Variants in ASTN2 observed in about 807,000 individuals in gnomAD.
The protein encoded by ASTN2 is astrotactin-2.
A neutral mutation model predicts 139.8 loss-of-function variants in ASTN2; 54 were observed. The observed-to-expected ratio is 0.39, with a 90% confidence interval of 0.31 to 0.48. The LOEUF (loss-of-function observed/expected upper bound fraction) is 0.48, where lower values mean the gene tolerates loss of function less well. Ranked by LOEUF, ASTN2 falls within the 20% of genes least tolerant of loss-of-function variation. The probability of loss-of-function intolerance (pLI) is 0.95; values close to 1 mark genes in which losing one functional copy is unlikely to be tolerated. For synonymous variants in ASTN2, 756 were observed against 719.5 expected (o/e 1.05, Z -0.81); for missense variants, 1,565 against 1,725.1 (o/e 0.91, Z 1.64).
intron 2 of ASTN2, among the ~76,000 whole-genome samples, chr9:117,282,594 G>T (rs1219207443): frequency 6.6e-6 from 1 of 152,192 alleles, no homozygotes; most frequent in Non-Finnish European, 1.5e-5. Context: ...CCCTGCCATT[G>T]GCTCTGGGCT....
intron 19 of ASTN2, among the ~76,000 whole-genome samples, chr9:116,561,415 C>A (rs1300194970): frequency 1.3e-5 from 2 of 152,294 alleles, no homozygotes; most frequent in East Asian, 3.9e-4. Context: ...ATATTTTTCT[C>A]ATTTCTCCAC....
chr9:116,482,441 T>C (rs1203815529), intron 20 of ASTN2, among the ~76,000 whole-genome samples: 1 of 152,166 alleles, frequency 6.6e-6, no homozygotes, highest in Admixed American at 6.5e-5. Flanking sequence ...GAATACTCAA[T>C]AAAATATTAT....
chr9:117,251,221 C>T (rs954248618), intron 2 of ASTN2, among the ~76,000 whole-genome samples: 1 of 152,018 alleles, frequency 6.6e-6, no homozygotes, highest in African/African-American at 2.4e-5. Flanking sequence ...TGCCTGGAGC[C>T]CTCTACTCAG....
intron 17 of ASTN2, among the ~76,000 whole-genome samples, chr9:116,649,530 C>T (rs1023516421): frequency 6.0e-5 from 9 of 149,130 alleles, no homozygotes; most frequent in South Asian, 4.2e-4. Context: ...GCTGAGATCG[C>T]GCCATTGCAC....
Position 117,328,880 on chromosome 9 carries a change from C to T in ASTN2, c.443-37367G>A, listed in dbSNP as rs556933322. ...TGGGTGACGGAGAGCCATCTCATGG[C>T]GAGGAAAAGAAGAGTGGAGTGGATG... is the stretch of plus-strand genomic sequence containing the variant. On this transcript the variant is annotated intron_variant, in intron 1 of 22. Transcript: ENST00000313400. Among the ~76,000 whole-genome samples the T allele has an allele frequency of 4.3e-4, 66 of 152,138 alleles. No individual in the cohort carries two copies. In the South Asian group the frequency reaches 6.8e-3, roughly 16 times the overall value.
chr9:117,010,710 T>C (rs1406486048), intron 6 of ASTN2, among the ~76,000 whole-genome samples: 1 of 152,114 alleles, frequency 6.6e-6, no homozygotes, highest in African/African-American at 2.4e-5. Flanking sequence ...CAGGATGTTT[T>C]GGGGTACATA....
chr9:117,365,289 A>G (rs1829808960), intron 1 of ASTN2, among the ~76,000 whole-genome samples: 1 of 151,030 alleles, frequency 6.6e-6, no homozygotes, highest in African/African-American at 2.5e-5. Context: ...GAAAGAAAGA[A>G]ATAGAAAGAA....
chr9:116,555,490 T>G (rs924844649), intron 19 of ASTN2, among the ~76,000 whole-genome samples: 1 of 151,980 alleles, frequency 6.6e-6, no homozygotes, highest in Non-Finnish European at 1.5e-5. Flanking sequence ...TTTAAGTGAA[T>G]GGGAATGGGC....
intron 8 of ASTN2, 77 bp from the exon 9 acceptor site, chr9:116,976,265 G>A: frequency 6.5e-6 from 8 of 1,226,222 alleles, no homozygotes; most frequent in Non-Finnish European, 9.6e-6. Context: ...CACTGCTCTA[G>A]AGTAGCTTTA....
intron 2 of ASTN2, among the ~76,000 whole-genome samples, chr9:117,264,114 T>A (rs1169638095): frequency 6.6e-6 from 1 of 152,202 alleles, no homozygotes; most frequent in East Asian, 1.9e-4. Context: ...ACAGTTTATT[T>A]ATGGTATCCA....
intron 3 of ASTN2, among the ~76,000 whole-genome samples, chr9:117,186,756 G>A (rs1831210831): frequency 6.6e-6 from 1 of 152,152 alleles, no homozygotes; most frequent in South Asian, 2.1e-4. Context: ...TTCTAAACAA[G>A]AAGCAGACAG....
At chr9:117,159,602 T>C (rs1261469514) in intron 3 of ASTN2, among the ~76,000 whole-genome samples, 1 of 152,068 alleles carries the variant, frequency 6.6e-6, no homozygotes, top group Non-Finnish European at 1.5e-5. Context: ...TGTGCCACCA[T>C]GCACAGCTAA....
At chr9:116,889,662 G>T (rs912589594) in intron 10 of ASTN2, among the ~76,000 whole-genome samples, 1 of 151,578 alleles carries the variant, frequency 6.6e-6, no homozygotes, top group East Asian at 1.9e-4. Context: ...GAGGCAGAAG[G>T]ATCACTTGAG....
At chr9:116,558,644 GA>G (rs1852753227) in intron 19 of ASTN2, among the ~76,000 whole-genome samples, 1 of 152,132 alleles carries the variant, frequency 6.6e-6, no homozygotes, top group Non-Finnish European at 1.5e-5. Flanking sequence ...TTTCCTCAGA[GA>G]TGCTTGCTTT....
chr9:117,255,010 T>A (rs1833646169), intron 2 of ASTN2, among the ~76,000 whole-genome samples: 1 of 152,242 alleles, frequency 6.6e-6, no homozygotes, highest in East Asian at 1.9e-4. Flanking sequence ...GAAGAACATC[T>A]AAATTAAATC....
intron 2 of ASTN2, among the ~76,000 whole-genome samples, chr9:117,271,660 G>A (rs892024328): frequency 1.3e-5 from 2 of 152,138 alleles, no homozygotes; most frequent in Admixed American, 6.5e-5. Context: ...GGGTAAACAC[G>A]GCTGTTCCAA....
chr9:117,005,747 CT>C, intron 7 of ASTN2, among the ~76,000 whole-genome samples: 1 of 152,152 alleles, frequency 6.6e-6, no homozygotes, highest in South Asian at 2.1e-4. Context: ...CTCTCTCTCT[CT>C]CTCTCTCTCT....
chr9:116,864,903 C>A (rs1425821001), intron 10 of ASTN2, among the ~76,000 whole-genome samples: 3 of 152,168 alleles, frequency 2.0e-5, no homozygotes, highest in Non-Finnish European at 4.4e-5. Context: ...TGTCAGTGAA[C>A]TTGGTAAATC....
In ASTN2 at chr9:117,386,945, C is replaced by A. The variant is rs145752683; in HGVS notation, c.442+27552G>T. Among the ~76,000 whole-genome samples the A allele has an allele frequency of 1.5e-3, 227 of 152,306 alleles. 1 individual carries two copies. Among genetic ancestry groups the A allele is most frequent in the African/African-American group, 5.0e-3 (209 of 41,568 alleles). ...TTACTCTATGCAAGAATGGGAGAAG[C>A]AGAACAGCAGTGGGTTAGGGGCCAG... On this transcript the variant is annotated intron_variant, in intron 1 of 22. Transcript: ENST00000313400.
Sources: gnomAD v4.1 joint callset for allele counts (sites outside exome capture counted in the v4.1 genomes callset) on GRCh38, gnomAD v4.1.1 for gene constraint, MANE v1.5 for transcripts, NCBI Gene and HGNC (gene_info 2026-07-23, HGNC 2026-07-21) for gene names.